The following STT3B variants were observed in gnomAD, a reference collection of about 807,000 sequenced individuals.
The protein encoded by STT3B is dolichyl-diphosphooligosaccharide--protein glycosyltransferase subunit STT3B.
In STT3B, 29 loss-of-function variants were observed where a neutral mutation model predicts 96.8. That is an observed-to-expected ratio of 0.30 (90% confidence interval 0.22 to 0.41). The LOEUF (loss-of-function observed/expected upper bound fraction) is 0.41. Among genes scored for constraint, STT3B ranks in the 10% least tolerant of loss-of-function variants. STT3B has a pLI of 1.00. For missense variants in STT3B, 640 were observed against 1,022.3 expected (o/e 0.63, Z 5.10); for synonymous variants, 367 against 360.0 (o/e 1.02, Z -0.22).
intron 3 of STT3B, among the ~76,000 whole-genome samples, chr3:31,594,575 G>A (rs576871167): frequency 4.6e-5 from 7 of 151,930 alleles, no homozygotes; most frequent in South Asian, 2.1e-4. Context: ...GATTATAGTC[G>A]TGCACCACCA....
chr3:31,569,803 T>G (rs986382644), intron 1 of STT3B, among the ~76,000 whole-genome samples: 1 of 152,090 alleles, frequency 6.6e-6, no homozygotes, highest in African/African-American at 2.4e-5. Context: ...ACTATAATTG[T>G]GTGTGAGAGT....
chr3:31,615,016 T>C, intron 5 of STT3B, 89 bp from the exon 6 acceptor site: 1 of 685,018 alleles, frequency 1.5e-6, no homozygotes, highest in Non-Finnish European at 2.4e-6. Context: ...GTTAATACTT[T>C]GCTAAAAACA....
intron 1 of STT3B, among the ~76,000 whole-genome samples, chr3:31,554,113 A>G (rs1017696020): frequency 1.3e-5 from 2 of 152,196 alleles, no homozygotes; most frequent in Non-Finnish European, 2.9e-5. Flanking sequence ...TGCTCCAACT[A>G]CAATTTTGCC....
chr3:31,601,663 A>T (rs1157231115), intron 5 of STT3B, among the ~76,000 whole-genome samples: 3 of 152,120 alleles, frequency 2.0e-5, no homozygotes, highest in Non-Finnish European at 2.9e-5. Flanking sequence ...TCTTTCAAGG[A>T]TGAGGAAATA....
At chr3:31,587,055 G>A (rs1320311412) in intron 3 of STT3B, among the ~76,000 whole-genome samples, 1 of 151,776 alleles carries the variant, frequency 6.6e-6, no homozygotes, top group East Asian at 1.9e-4. Flanking sequence ...ATTTTTCTGG[G>A]CGATCAGGTT....
intron 1 of STT3B, among the ~76,000 whole-genome samples, chr3:31,540,433 A>C (rs1178207511): frequency 6.6e-6 from 1 of 152,148 alleles, no homozygotes; most frequent in Non-Finnish European, 1.5e-5. Context: ...GTTGATAACC[A>C]AGTTGATAAT....
At chr3:31,572,015 C>CATTAATATATATTAATATATGAT in intron 1 of STT3B, among the ~76,000 whole-genome samples, 1 of 131,934 alleles carries the variant, frequency 7.6e-6, no homozygotes, top group African/African-American at 3.0e-5. Context: ...TTTTATTAAA[C>CATTAATATATATTAATATATGAT]ATATTAATAT....
chr3:31,614,594 T>C (rs76597904), intron 5 of STT3B, among the ~76,000 whole-genome samples: 2 of 151,944 alleles, frequency 1.3e-5, no homozygotes, highest in African/African-American at 4.8e-5. Context: ...GGTGGACATA[T>C]GAATTTATTT....
chr3:31,616,903 AT>A (rs774739125), intron 6 of STT3B, 25 bp from the exon 7 acceptor site: 9 of 1,569,678 alleles, frequency 5.7e-6, no homozygotes, highest in Non-Finnish European at 7.8e-6. Flanking sequence ...TGCTTTGTTG[AT>A]TATGTGACCC....
intron 1 of STT3B, among the ~76,000 whole-genome samples, chr3:31,538,528 T>C (rs777378795): frequency 6.6e-6 from 1 of 152,162 alleles, no homozygotes; most frequent in Non-Finnish European, 1.5e-5. Context: ...TTAGGTGTAA[T>C]TTATGTGAAA....
At chr3:31,569,880 G>A (rs112622985) in intron 1 of STT3B, among the ~76,000 whole-genome samples, 28 of 151,980 alleles carry the variant, frequency 1.8e-4, no homozygotes, top group African/African-American at 6.8e-4. Context: ...ACTCATATGT[G>A]TCATTATGTA....
intron 1 of STT3B, among the ~76,000 whole-genome samples, chr3:31,537,269 A>G (rs1697124604): frequency 6.6e-6 from 1 of 152,214 alleles, no homozygotes; most frequent in African/African-American, 2.4e-5. Context: ...CTGTACTTTG[A>G]GGTCTCCATG....
chr3:31,535,267 A>C (rs965545006), intron 1 of STT3B, among the ~76,000 whole-genome samples: 1 of 152,016 alleles, frequency 6.6e-6, no homozygotes, highest in African/African-American at 2.4e-5. Context: ...AAAATTGAGT[A>C]ATGCAATAAT....
Position 31,636,239 on chromosome 3 carries a change from C to T in STT3B, c.*175C>T. 2.2e-6 allele frequency: 1 copy of T among 462,146 alleles called. No homozygotes were observed. The highest frequency in any genetic ancestry group is 3.5e-5 in the East Asian group (1 of 28,824). 28.6% of individuals were successfully genotyped at this position (462,146 alleles called of 1,614,324 possible). A position where few individuals can be genotyped will look rare whatever the true frequency, so the allele number is the denominator to read the frequency against. ...AAAAATAAAATTGGCTTGTTGAGAACAGCTGTTTTCGATTTCTAATGTGAA... is the reference window on the plus strand; with the variant it reads ...AAAAATAAAATTGGCTTGTTGAGAATAGCTGTTTTCGATTTCTAATGTGAA... On this transcript the variant is annotated 3_prime_UTR_variant, in exon 16 of 16. Transcript: ENST00000295770.
intron 3 of STT3B, among the ~76,000 whole-genome samples, chr3:31,595,044 A>G (rs1179375709): frequency 6.6e-6 from 1 of 152,170 alleles, no homozygotes; most frequent in Non-Finnish European, 1.5e-5. Flanking sequence ...TGATTGAAGC[A>G]TGGACAACCT....
intron 3 of STT3B, among the ~76,000 whole-genome samples, chr3:31,586,142 A>G (rs1698530124): frequency 6.6e-6 from 1 of 152,028 alleles, no homozygotes; most frequent in Non-Finnish European, 1.5e-5. Flanking sequence ...AATTTTACCC[A>G]TTCTTGTAGG....
chr3:31,594,700 A>C (rs906185499), intron 3 of STT3B, among the ~76,000 whole-genome samples: 2 of 152,174 alleles, frequency 1.3e-5, no homozygotes, highest in African/African-American at 4.8e-5. Flanking sequence ...AATTACAGGC[A>C]TGAGCCACTG....
chr3:31,534,293 T>C (rs1697028618), intron 1 of STT3B, among the ~76,000 whole-genome samples: 1 of 152,192 alleles, frequency 6.6e-6, no homozygotes, highest in African/African-American at 2.4e-5. Context: ...ATTACCCCAC[T>C]CTTAACAACA....
intron 1 of STT3B, among the ~76,000 whole-genome samples, chr3:31,575,649 A>T (rs979217368): frequency 6.6e-6 from 1 of 151,988 alleles, no homozygotes; most frequent in African/African-American, 2.4e-5. Flanking sequence ...TTCTTGACTC[A>T]CTTGTCTATG....
Sources: allele counts gnomAD v4.1 joint callset (sites outside exome capture counted in the v4.1 genomes callset), GRCh38; gene constraint gnomAD v4.1.1; transcripts MANE v1.5; gene names NCBI Gene and HGNC (gene_info 2026-07-23, HGNC 2026-07-21).